The following LAMC2 variants were observed in gnomAD, a reference collection of about 807,000 sequenced individuals.
LAMC2 encodes the protein laminin subunit gamma 2.
Under a neutral mutation model 140.2 loss-of-function variants are expected in LAMC2, and 97 were observed. The observed-to-expected ratio is 0.69, with a 90% CI of 0.59 to 0.82. The LOEUF is 0.82. LAMC2 is among the 40% of genes least tolerant of loss of function. LAMC2 has a pLI of 0.00. For missense variants in LAMC2, 1,402 were observed against 1,476.1 expected (o/e 0.95, Z 0.82); for synonymous variants, 513 against 540.2 (o/e 0.95, Z 0.70).
chr1:183,208,413 C>A (rs1463479600), intron 2 of LAMC2, among the ~76,000 whole-genome samples: 2 of 152,078 alleles, frequency 1.3e-5, no homozygotes, highest in African/African-American at 4.8e-5. Context: ...AAGCAGATGA[C>A]AAAGGAAGCT....
intron 12 of LAMC2, among the ~76,000 whole-genome samples, chr1:183,231,945 A>G (rs538080208): frequency 6.6e-6 from 1 of 152,260 alleles, no homozygotes; most frequent in East Asian, 1.9e-4. Context: ...CACTATTCTT[A>G]TTTTCATTAT....
chr1:183,228,502 C>G lies in LAMC2; in HGVS notation c.1597C>G (p.Arg533Gly). The G allele has an allele frequency of 6.2e-7, 1 of 1,613,828 alleles. No individual in the cohort carries two copies. Among genetic ancestry groups the G allele is most frequent in the Non-Finnish European group, 8.5e-7 (1 of 1,179,986 alleles). The part of the protein sequence containing the change: ...VDPSASGNCD[R>G]LTGRCLKCIH... ...CCCCAGTGCCTCTGGGAATTGTGACCGGCTGACAGGCAGGTGTTTGAAGTG... is the reference window on the plus strand; with the variant it reads ...CCCCAGTGCCTCTGGGAATTGTGACGGGCTGACAGGCAGGTGTTTGAAGTG... The change falls in exon 11 of 23, where the codon CGG (arginine) becomes GGG (glycine). Residue 533 changes from arginine to glycine, a missense_variant. Arg to Gly is a moderately radical substitution (Grantham distance 125, BLOSUM62 -2). Coordinates refer to ENST00000264144, the MANE Select transcript of LAMC2 (RefSeq NM_005562.3). The surrounding 1 kb of genome is among the most constrained non-coding windows in gnomAD (Gnocchi z 4.3).
the LAMC2 span, chr1:183,252,529 G>A: frequency 1.2e-6 from 1 of 817,066 alleles, no homozygotes; most frequent in South Asian, 1.4e-5. Context: ...GGTTAAGTCA[G>A]CAAGTAGGGA....
intron 1 of LAMC2, among the ~76,000 whole-genome samples, chr1:183,187,348 G>A (rs1460674145): frequency 1.3e-5 from 2 of 152,198 alleles, no homozygotes; most frequent in Admixed American, 1.3e-4. Context: ...CATTCCGGGT[G>A]ATGCTGGCCT....
chr1:183,255,132 G>A, the LAMC2 span, among the ~76,000 whole-genome samples: 1 of 152,160 alleles, frequency 6.6e-6, no homozygotes, highest in African/African-American at 2.4e-5. Flanking sequence ...TCTTTTGCCT[G>A]TAGAAATCCA....
chr1:183,194,202 G>A (rs964244272), intron 1 of LAMC2, among the ~76,000 whole-genome samples: 1 of 150,788 alleles, frequency 6.6e-6, no homozygotes, highest in Non-Finnish European at 1.5e-5. Context: ...TTACAGATGT[G>A]AGCCACCATA....
In LAMC2 at chr1:183,240,368, T is replaced by TA; in HGVS notation, c.3306dup (p.Asp1103ArgfsTer15). The TA allele has an allele frequency of 6.2e-7, 1 of 1,614,188 alleles. No homozygotes were observed. The highest frequency in any genetic ancestry group is 8.5e-7 in the Non-Finnish European group (1 of 1,180,026). On this transcript the variant is annotated frameshift_variant, in exon 22 of 23. Coordinates refer to ENST00000264144, the MANE Select transcript of LAMC2 (RefSeq NM_005562.3). LOFTEE classifies it high-confidence loss of function. ...ACAATCCAAGACACACTCAACACAT[T>TA]AGACGGCCTCCTGCATCTGATGGGT... is the stretch of plus-strand genomic sequence containing the variant.
chr1:183,239,483 C>A lies in LAMC2; in HGVS notation c.2989C>A (p.Leu997Met), dbSNP rs765474971. The A allele has an allele frequency of 6.2e-6, 10 of 1,613,878 alleles. No individual in the cohort carries two copies. ...CAAGACCCAGCAAGCAGAAAGAGCC[C>A]TGGGGAGCGCTGCTGCTGATGCACA... ...SDKTQQAERA[L>M]GSAAADAQRA... The change falls in exon 20 of 23, where the codon CTG (leucine) becomes ATG (methionine). Residue 997 changes from leucine to methionine, a missense_variant. By Grantham distance (15) the Leu-to-Met change is conservative. Coordinates refer to ENST00000264144, the MANE Select transcript of LAMC2 (RefSeq NM_005562.3).
chr1:183,237,702 G>A (rs888095540), intron 18 of LAMC2, among the ~76,000 whole-genome samples, 198 bp downstream of exon 18: 4 of 152,072 alleles, frequency 2.6e-5, no homozygotes, highest in African/African-American at 9.7e-5. Context: ...AACGTAGTGA[G>A]GCCCCCATCT....
intron 3 of LAMC2, among the ~76,000 whole-genome samples, chr1:183,216,164 C>T (rs1321854836): frequency 6.6e-6 from 1 of 152,208 alleles, no homozygotes; most frequent in Non-Finnish European, 1.5e-5. Flanking sequence ...GCTAGCAAGG[C>T]TCCCACAGAG....
In LAMC2 at chr1:183,228,905, C is replaced by T. The variant is rs1659716600; in HGVS notation, c.1714+286C>T. On this transcript the variant is annotated intron_variant, in intron 11 of 22. Coordinates refer to ENST00000264144, the MANE Select transcript of LAMC2 (RefSeq NM_005562.3). The surrounding 1 kb of genome is among the most constrained non-coding windows in gnomAD (Gnocchi z 4.3). ...CGGAAAAGGATGTAACACGGGGCCACATCCTATGCCCAATCCCAAGGCAGG... is the reference window on the plus strand; with the variant it reads ...CGGAAAAGGATGTAACACGGGGCCATATCCTATGCCCAATCCCAAGGCAGG... Among the ~76,000 whole-genome samples the T allele has an allele frequency of 6.6e-6, 1 of 152,224 alleles. No individual in the cohort carries two copies. The highest frequency in any genetic ancestry group is 1.5e-5 in the Non-Finnish European group (1 of 68,032).
In LAMC2 at chr1:183,232,719, C is replaced by T. The variant is rs1659837267; in HGVS notation, c.2082C>T (p.Arg694=). ...GCCAAGAGAACAGCTACCAGAGCCG[C>T]CTGGATGACCTCAAGATGACTGTGG... ...VRSQENSYQS[R]LDDLKMTVER... The change falls in exon 14 of 23, where the codon CGC becomes CGT. Residue 694 remains arginine (R), a synonymous_variant. Transcript: ENST00000264144. 1.2e-6 allele frequency: 2 copies of T among 1,613,876 alleles called. No individual in the cohort carries two copies. The highest frequency in any genetic ancestry group is 1.7e-6 in the Non-Finnish European group (2 of 1,179,964).
At chr1:183,223,468 G>T in intron 7 of LAMC2, 144 bp downstream of exon 7, 1 of 748,632 alleles carries the variant, frequency 1.3e-6, no homozygotes. Context: ...GCTATGTGCT[G>T]AGAAAGGACA....
intron 15 of LAMC2, among the ~76,000 whole-genome samples, chr1:183,235,067 G>A (rs966351183): frequency 6.6e-6 from 1 of 152,148 alleles, no homozygotes; most frequent in African/African-American, 2.4e-5. Context: ...TGCCTCCTGA[G>A]CTCGTTTTTA....
the LAMC2 span, among the ~76,000 whole-genome samples, chr1:183,253,752 C>T: frequency 6.6e-6 from 1 of 152,186 alleles, no homozygotes; most frequent in Non-Finnish European, 1.5e-5. Flanking sequence ...TATTCTCTAT[C>T]TGTGTATTTA....
rs550996403 is a variant in LAMC2 at position 183,206,465 on chromosome 1, C to T, written c.80-1416C>T. Among the ~76,000 whole-genome samples, 249 of 152,092 alleles carry T rather than the reference C, an allele frequency of 1.6e-3. 2 individuals carry two copies. The highest frequency in any genetic ancestry group is 1.9e-3 in the East Asian group (10 of 5,172). ...TTGAGACCAGCCTAGCCAACACTGG[C>T]GAAACCCCATCTCTACCAAAAATAT... On this transcript the variant is annotated intron_variant, in intron 1 of 22. Transcript: ENST00000264144.
intron 19 of LAMC2, among the ~76,000 whole-genome samples, chr1:183,238,967 TC>T (rs1175040599): frequency 6.6e-6 from 1 of 152,212 alleles, no homozygotes; most frequent in Non-Finnish European, 1.5e-5. Flanking sequence ...AGAGAAACAT[TC>T]CCAAAATTTT....
At chr1:183,240,271 T>G (rs1660093749) in intron 21 of LAMC2, 21 bp from the exon 22 acceptor site, 2 of 1,614,094 alleles carry the variant, frequency 1.2e-6, no homozygotes, top group African/African-American at 2.7e-5. Context: ...TCAAGGCTGG[T>G]TTGTGCTTAT....
chr1:183,207,833 G>A lies in LAMC2; in HGVS notation c.80-48G>A, dbSNP rs760462922. On this transcript the variant is annotated intron_variant, in intron 1 of 22. Coordinates refer to ENST00000264144, the MANE Select transcript of LAMC2 (RefSeq NM_005562.3). Reference sequence around the variant, plus strand: ...AACACCTGCTAGAACAGTTCCTGAGGTGTTTTTTTTTTTTTTTGACGATCT... The same window carrying A: ...AACACCTGCTAGAACAGTTCCTGAGATGTTTTTTTTTTTTTTTGACGATCT... The A allele has an allele frequency of 6.5e-6, 7 of 1,074,112 alleles. 1 individual carries two copies. In the South Asian group the frequency reaches 8.8e-5, roughly 13 times the overall value. The allele number at this position is 1,074,112 out of a possible 1,614,324, so 66.5% of individuals were successfully genotyped here.
Sources: gnomAD v4.1 joint callset for allele counts (sites outside exome capture counted in the v4.1 genomes callset) on GRCh38, gnomAD v4.1.1 for gene constraint, Gnocchi (gnomAD v3.1) non-coding constraint, MANE v1.5 for transcripts, NCBI Gene and HGNC (gene_info 2026-07-23, HGNC 2026-07-21) for gene names.